The following DCC variants were observed in gnomAD, a reference collection of about 807,000 sequenced individuals.
DCC encodes the protein netrin receptor DCC.
A neutral mutation model predicts 172.5 loss-of-function variants in DCC; 58 were observed. The observed-to-expected ratio is 0.34, with a 90% confidence interval of 0.27 to 0.42. The LOEUF (loss-of-function observed/expected upper bound fraction) is 0.42, where lower values mean the gene tolerates loss of function less well. Ranked by LOEUF, DCC falls within the 10% of genes least tolerant of loss-of-function variation. DCC has a pLI of 1.00. For missense variants in DCC, 1,740 were observed against 1,791.0 expected (o/e 0.97, Z 0.51); for synonymous variants, 709 against 644.5 (o/e 1.10, Z -1.52).
intron 1 of DCC, among the ~76,000 whole-genome samples, chr18:52,341,755 A>G (rs1308960490): frequency 6.6e-6 from 1 of 152,206 alleles, no homozygotes; most frequent in African/African-American, 2.4e-5. Flanking sequence ...AAAAGAATAG[A>G]AAAGAGCAAA....
intron 2 of DCC, among the ~76,000 whole-genome samples, chr18:52,870,380 A>T (rs1326608116): frequency 1.3e-5 from 2 of 152,176 alleles, no homozygotes; most frequent in Non-Finnish European, 2.9e-5. Context: ...ACCTTCCCAC[A>T]GCAGCTGGAG....
intron 1 of DCC, among the ~76,000 whole-genome samples, chr18:52,543,720 A>C (rs1317138698): frequency 1.3e-5 from 2 of 152,108 alleles, no homozygotes; most frequent in East Asian, 3.9e-4. Flanking sequence ...AACAGATAAA[A>C]ACCAAAAAGG....
chr18:53,100,749 G>T (rs780025662), intron 7 of DCC, among the ~76,000 whole-genome samples: 19 of 152,058 alleles, frequency 1.2e-4, no homozygotes, highest in Non-Finnish European at 2.2e-4. Flanking sequence ...CCCATCTCTT[G>T]ATAAGCCCTG....
At chr18:53,066,988 C>G (rs1275245641) in intron 7 of DCC, among the ~76,000 whole-genome samples, 1 of 152,008 alleles carries the variant, frequency 6.6e-6, no homozygotes, top group Non-Finnish European at 1.5e-5. Context: ...CTCATGAGAA[C>G]TCAGTCACTA....
intron 6 of DCC, 94 bp downstream of exon 6, chr18:53,063,553 T>C: frequency 1.9e-6 from 2 of 1,051,140 alleles, no homozygotes; most frequent in Non-Finnish European, 2.8e-6. Context: ...AAAAGGTTCC[T>C]GTTGGAGATT....
intron 1 of DCC, among the ~76,000 whole-genome samples, chr18:52,591,326 A>G (rs1312602572): frequency 6.6e-6 from 1 of 152,190 alleles, no homozygotes; most frequent in Non-Finnish European, 1.5e-5. Context: ...AATTTCCTCA[A>G]TTTAAAACAT....
At chr18:52,917,346 C>T (rs1324105878) in intron 3 of DCC, among the ~76,000 whole-genome samples, 1 of 151,938 alleles carries the variant, frequency 6.6e-6, no homozygotes, top group African/African-American at 2.4e-5. Flanking sequence ...ATTTAATGAA[C>T]AAATATTTTA....
chr18:52,637,464 G>T (rs115724096), intron 1 of DCC, among the ~76,000 whole-genome samples: 1,834 of 150,360 alleles, frequency 0.012, 32 homozygotes, highest in African/African-American at 0.043. Context: ...ATAGCCTAAA[G>T]AAAAAAAAAT....
intron 4 of DCC, among the ~76,000 whole-genome samples, chr18:52,924,365 CTA>C (rs2040168633): frequency 6.6e-6 from 1 of 152,048 alleles, no homozygotes; most frequent in African/African-American, 2.4e-5. Flanking sequence ...AAAAATGAAA[CTA>C]AATTTTTCTG....
chr18:53,030,997 G>A (rs147244826), intron 5 of DCC, among the ~76,000 whole-genome samples: 7 of 152,246 alleles, frequency 4.6e-5, no homozygotes, highest in East Asian at 1.9e-4. Flanking sequence ...GGTGGCTCAC[G>A]CCTATAATCC....
chr18:52,508,137 T>G (rs909559698), intron 1 of DCC, among the ~76,000 whole-genome samples: 1 of 152,102 alleles, frequency 6.6e-6, no homozygotes, highest in Non-Finnish European at 1.5e-5. Flanking sequence ...CATCCTAATC[T>G]ACGGGGACCA....
intron 25 of DCC, among the ~76,000 whole-genome samples, chr18:53,469,994 A>G (rs1039587405): frequency 1.3e-5 from 2 of 152,046 alleles, no homozygotes; most frequent in Non-Finnish European, 2.9e-5. Context: ...GCAATGTACT[A>G]GATGCCCCTG....
rs570725191 is a variant in DCC, at chr18:52,346,992, T to C, written c.91+6114T>C. ...TGATGAAACTTAACAGGAGTATTTA[T>C]TGCAATTTGGAGATTTCTTCCTGGT... is the stretch of plus-strand genomic sequence containing the variant. On this transcript the variant is annotated intron_variant, in intron 1 of 28. Coordinates refer to ENST00000442544, the MANE Select transcript of DCC (RefSeq NM_005215.4). Among the ~76,000 whole-genome samples, 14 of 152,322 alleles carry C rather than the reference T, an allele frequency of 9.2e-5. No individual in the cohort carries two copies. The South Asian group carries it at 2.7e-3, about 29-fold the overall frequency.
At chr18:53,174,802 G>A (rs937730224) in intron 8 of DCC, among the ~76,000 whole-genome samples, 1 of 151,536 alleles carries the variant, frequency 6.6e-6, no homozygotes, top group Non-Finnish European at 1.5e-5. Flanking sequence ...TAGAAAAAGA[G>A]GGAATCCTCC....
intron 2 of DCC, among the ~76,000 whole-genome samples, chr18:52,802,407 T>C (rs2038006755): frequency 6.6e-6 from 1 of 151,852 alleles, no homozygotes; most frequent in Non-Finnish European, 1.5e-5. Flanking sequence ...TAATTGACCC[T>C]TGAACAAAAC....
Position 52,345,208 on chromosome 18 carries a change from C to G in DCC, c.91+4330C>G, listed in dbSNP as rs566333076. On this transcript the variant is annotated intron_variant, in intron 1 of 28. Transcript: ENST00000442544. ...CAAGAAATCTTAGCTTTGCCTGAGG[C>G]CAAAGAATAATGTCACAAACCTGCT... is the stretch of plus-strand genomic sequence containing the variant. Among the ~76,000 whole-genome samples, 34 of 152,190 alleles carry G rather than the reference C, an allele frequency of 2.2e-4. No individual in the cohort carries two copies. In the Middle Eastern group the frequency reaches 0.01, roughly 46 times the overall value.
intron 7 of DCC, among the ~76,000 whole-genome samples, chr18:53,104,595 A>G (rs985503757): frequency 1.3e-5 from 2 of 152,036 alleles, no homozygotes; most frequent in African/African-American, 4.8e-5. Context: ...ACACCTAGCT[A>G]TTTGATTTTC....
intron 8 of DCC, among the ~76,000 whole-genome samples, chr18:53,169,422 G>A (rs2054977111): frequency 6.6e-6 from 1 of 152,156 alleles, no homozygotes; most frequent in African/African-American, 2.4e-5. Context: ...TCGTATATTT[G>A]ATGCTCTATG....
chr18:52,489,552 G>A (rs756404877), intron 1 of DCC, among the ~76,000 whole-genome samples: 3 of 152,084 alleles, frequency 2.0e-5, no homozygotes, highest in Non-Finnish European at 4.4e-5. Context: ...CTCAGTAGCC[G>A]GTGGCTTGGA....
Sources: allele counts gnomAD v4.1 joint callset (sites outside exome capture counted in the v4.1 genomes callset), GRCh38; gene constraint gnomAD v4.1.1; transcripts MANE v1.5; gene names NCBI Gene and HGNC (gene_info 2026-07-23, HGNC 2026-07-21).